Variants in KPNA3 observed in about 807,000 individuals in gnomAD.
The protein encoded by KPNA3 is karyopherin subunit alpha 3.
Under a neutral mutation model 73.8 loss-of-function variants are expected in KPNA3, and 13 were observed. The ratio of observed to expected loss-of-function variants is 0.18; its 90% CI spans 0.11 to 0.28. The LOEUF (loss-of-function observed/expected upper bound fraction) is 0.28. Among genes scored for constraint, KPNA3 ranks in the 10% least tolerant of loss-of-function variants. The pLI, the probability that KPNA3 is intolerant of heterozygous loss-of-function variation, is 1.00. For missense variants in KPNA3, 360 were observed against 618.1 expected (o/e 0.58, Z 4.43); for synonymous variants, 186 against 206.9 (o/e 0.90, Z 0.87).
intron 1 of KPNA3, among the ~76,000 whole-genome samples, chr13:49,776,281 G>C (rs1954897822): frequency 6.6e-6 from 1 of 152,052 alleles, no homozygotes; most frequent in Non-Finnish European, 1.5e-5. Context: ...AAGGTTTCCA[G>C]AACTCAACAG....
chr13:49,722,980 A>G (rs546201832), intron 7 of KPNA3, among the ~76,000 whole-genome samples: 1 of 152,160 alleles, frequency 6.6e-6, no homozygotes, highest in East Asian at 1.9e-4. Context: ...CTTTAAAATA[A>G]TTTCTCATAA....
chr13:49,722,185 G>C, intron 8 of KPNA3, 61 bp from the exon 9 acceptor site: 1 of 1,126,990 alleles, frequency 8.9e-7, no homozygotes, highest in Non-Finnish European at 1.2e-6. Flanking sequence ...AGTCTGAAAT[G>C]TATGCAATGG....
chr13:49,771,023 G>A (rs1282645240), intron 1 of KPNA3, among the ~76,000 whole-genome samples: 2 of 149,728 alleles, frequency 1.3e-5, no homozygotes, highest in Non-Finnish European at 3.0e-5. Flanking sequence ...ATAAATATGA[G>A]TCCTTCAACT....
At chr13:49,749,362 A>C (rs886121769) in intron 1 of KPNA3, among the ~76,000 whole-genome samples, 1 of 152,204 alleles carries the variant, frequency 6.6e-6, no homozygotes, top group Admixed American at 6.5e-5. Context: ...GAAAGTTGGA[A>C]ATAGATTTTT....
intron 1 of KPNA3, among the ~76,000 whole-genome samples, chr13:49,792,085 T>A (rs1197875046): frequency 6.6e-6 from 1 of 152,106 alleles, no homozygotes. Context: ...CCCTCGGCTG[T>A]GCGGTCGGAG....
rs12858287 is a variant in KPNA3, at chr13:49,769,320, T to C, written c.70-22327A>G. Among the ~76,000 whole-genome samples the C allele has an allele frequency of 7.7e-3, 1,169 of 152,324 alleles. 25 individuals are homozygous for C. The highest frequency in any genetic ancestry group is 7.0e-3 in the Non-Finnish European group (478 of 68,022). On this transcript the variant is annotated intron_variant, in intron 1 of 16. Transcript: ENST00000261667. ...TATAATGCCCACGCCATAAAATTTA[T>C]CCTAAAAGGATAAGTTCCGTGGTTT...
At chr13:49,710,130 T>C (rs952155293) in intron 11 of KPNA3, among the ~76,000 whole-genome samples, 8 of 152,090 alleles carry the variant, frequency 5.3e-5, no homozygotes, top group East Asian at 1.9e-4. Context: ...GGTGTGATGG[T>C]GCATGCCTGT....
chr13:49,708,241 C>A (rs1200246230), intron 12 of KPNA3, among the ~76,000 whole-genome samples: 1 of 152,014 alleles, frequency 6.6e-6, no homozygotes, highest in African/African-American at 2.4e-5. Context: ...GTGATCTGCC[C>A]GCCTCGGCCT....
intron 1 of KPNA3, among the ~76,000 whole-genome samples, chr13:49,749,378 TA>T: frequency 6.6e-6 from 1 of 152,210 alleles, no homozygotes; most frequent in Non-Finnish European, 1.5e-5. Context: ...TTTTTACTGC[TA>T]AAGTAGAACA....
At chr13:49,756,996 T>C (rs1012568327) in intron 1 of KPNA3, among the ~76,000 whole-genome samples, 1 of 152,170 alleles carries the variant, frequency 6.6e-6, no homozygotes, top group African/African-American at 2.4e-5. Flanking sequence ...CAGATAGATA[T>C]TGACAGACAA....
At chr13:49,704,641 T>G (rs1195533177) in intron 15 of KPNA3, among the ~76,000 whole-genome samples, 1 of 152,112 alleles carries the variant, frequency 6.6e-6, no homozygotes, top group Non-Finnish European at 1.5e-5. Flanking sequence ...ATTTAAGGTT[T>G]AAACATGTTA....
intron 6 of KPNA3, among the ~76,000 whole-genome samples, chr13:49,725,882 T>C (rs1954405036): frequency 6.6e-6 from 1 of 152,170 alleles, no homozygotes; most frequent in African/African-American, 2.4e-5. Flanking sequence ...CTTCAGGTGA[T>C]CTGCCCACCT....
At chr13:49,722,244 G>A in intron 8 of KPNA3, 120 bp from the exon 9 acceptor site, 2 of 756,294 alleles carry the variant, frequency 2.6e-6, no homozygotes, top group South Asian at 2.5e-5. Context: ...TTAGTCAAAG[G>A]CATCAAGTGT....
In KPNA3 at chr13:49,792,680, A is replaced by C; in HGVS notation, c.-174T>G. On this transcript the variant is annotated 5_prime_UTR_variant, in exon 1 of 17. Coordinates refer to ENST00000261667, the MANE Select transcript of KPNA3 (RefSeq NM_002267.4). ...GTAGCGCCGGGGGAGGCGCGGGCCG[A>C]CTGCCGGGCCGGGTGGGGCGGGAAC... 8 of 432,694 alleles carry C rather than the reference A, an allele frequency of 1.8e-5. No homozygotes were observed. The highest frequency in any genetic ancestry group is 5.9e-5 in the East Asian group (1 of 16,836). The allele number at this position is 432,694 out of a possible 1,614,324, so 26.8% of individuals were successfully genotyped here.
At chr13:49,747,620 A>C (rs1307793611) in intron 1 of KPNA3, among the ~76,000 whole-genome samples, 2 of 152,216 alleles carry the variant, frequency 1.3e-5, no homozygotes, top group East Asian at 3.8e-4. Flanking sequence ...TGGGAGACGG[A>C]GGTTGAAGTG....
chr13:49,755,335 C>T (rs1324076446), intron 1 of KPNA3, among the ~76,000 whole-genome samples: 1 of 151,860 alleles, frequency 6.6e-6, no homozygotes, highest in Non-Finnish European at 1.5e-5. Flanking sequence ...AAATAAAAGC[C>T]TAGAGTTAAC....
At chr13:49,785,088 C>T (rs572407023) in intron 1 of KPNA3, among the ~76,000 whole-genome samples, 2 of 151,662 alleles carry the variant, frequency 1.3e-5, no homozygotes, top group East Asian at 1.9e-4. Context: ...GAGGGGCAGG[C>T]GGGATTCCAG....
intron 2 of KPNA3, among the ~76,000 whole-genome samples, chr13:49,733,461 A>G (rs1245412159): frequency 6.6e-6 from 1 of 151,730 alleles, no homozygotes; most frequent in Non-Finnish European, 1.5e-5. Context: ...GCTAATTTTT[A>G]TATTTTTAGT....
Position 49,705,675 on chromosome 13 carries a change from T to C in KPNA3, c.1318A>G (p.Ile440Val), listed in dbSNP as rs2137531226. 6.2e-7 allele frequency: 1 copy of C among 1,614,190 alleles called. No individual in the cohort carries two copies. The highest frequency in any genetic ancestry group is 2.2e-5 in the East Asian group (1 of 44,872). The change falls in exon 15 of 17, where the codon ATA (isoleucine) becomes GTA (valine). Residue 440 changes from isoleucine to valine, a missense_variant. Around this residue, in one of 3 missense-constraint regions of KPNA3, gnomAD observed 287 missense variants for 549.1 expected, o/e 0.52. Coordinates refer to ENST00000261667, the MANE Select transcript of KPNA3 (RefSeq NM_002267.4). ...VVLDGLKNIL[I>V]MAGDEASTIA... is the part of the protein sequence containing the mutation. ...GTGCTTGCTTCATCACCGGCCATTA[T>C]CAGAATGTTTTTTAGACCATCTAGA... is the stretch of plus-strand genomic sequence containing the variant.
Sources: allele counts gnomAD v4.1 joint callset (sites outside exome capture counted in the v4.1 genomes callset), GRCh38; gene constraint gnomAD v4.1.1; regional missense constraint gnomAD v4.1.1; transcripts MANE v1.5; gene names NCBI Gene and HGNC (gene_info 2026-07-23, HGNC 2026-07-21).